TENM1: variants seen among roughly 807,000 people sequenced by gnomAD.
TENM1 encodes teneurin-1.
TENM1 carries 35 observed loss-of-function variants against 174.8 expected under a neutral mutation model. The observed-to-expected ratio is 0.20, with a 90% CI of 0.15 to 0.27. The LOEUF (loss-of-function observed/expected upper bound fraction) is 0.27. Among genes scored for constraint, TENM1 ranks in the 10% least tolerant of loss-of-function variants. The pLI, the probability that TENM1 is intolerant of heterozygous loss-of-function variation, is 1.00. For synonymous variants in TENM1, 781 were observed against 798.7 expected, an observed-to-expected ratio of 0.98 and a Z score of 0.37; for missense variants, 1,633 against 2,130.1, an observed-to-expected ratio of 0.77 and a Z score of 4.59.
chrX:124,554,905 G>A (rs906562106), intron 14 of TENM1, among the ~76,000 whole-genome samples: 52 of 111,963 alleles, frequency 4.6e-4, no homozygotes, highest in African/African-American at 1.6e-3. Flanking sequence ...CAATGAATAT[G>A]AATATAGACC....
At chrX:124,987,701 T>TGTG in the TENM1 span, among the ~76,000 whole-genome samples, 2 of 91,384 alleles carry the variant, frequency 2.2e-5, no homozygotes, top group African/African-American at 8.2e-5. Flanking sequence ...GTTCTGCATT[T>TGTG]TGTGTGTGTG....
At chrX:124,782,788 C>T (rs1357739859) in intron 3 of TENM1, among the ~76,000 whole-genome samples, 1 of 111,215 alleles carries the variant, frequency 9.0e-6, no homozygotes, top group Non-Finnish European at 1.9e-5. Context: ...ATCCTTATAA[C>T]CTCCGAGACT....
At chrX:124,398,147 G>A (rs1383453816) in intron 27 of TENM1, among the ~76,000 whole-genome samples, 5 of 108,364 alleles carry the variant, frequency 4.6e-5, no homozygotes, top group African/African-American at 6.7e-5. Context: ...AGAACTGCTC[G>A]AACAGAGGAG....
At chrX:124,448,030 G>C (rs2060984356) in intron 23 of TENM1, among the ~76,000 whole-genome samples, 1 of 111,386 alleles carries the variant, frequency 9.0e-6, no homozygotes, top group Non-Finnish European at 1.9e-5. Flanking sequence ...CAACCATCAA[G>C]CAAACCTGCT....
At chrX:124,745,854 T>G (rs1267008396) in intron 3 of TENM1, among the ~76,000 whole-genome samples, 4 of 83,133 alleles carry the variant, frequency 4.8e-5, no homozygotes, top group Non-Finnish European at 2.1e-5. Context: ...GCCAAAACAT[T>G]TTTTTTTCAG....
chrX:125,157,045 T>A, the TENM1 span, among the ~76,000 whole-genome samples: 12 of 112,439 alleles, frequency 1.1e-4, no homozygotes, highest in Non-Finnish European at 2.3e-4. Context: ...GGTTCAGTGA[T>A]TCTCAACTTT....
intron 3 of TENM1, among the ~76,000 whole-genome samples, chrX:124,767,367 G>A (rs2054558589): frequency 9.0e-6 from 1 of 111,579 alleles, no homozygotes; most frequent in Non-Finnish European, 1.9e-5. Context: ...TTGCTTGAAG[G>A]TGAGGTCTAT....
exon 32 of TENM1, chrX:124,380,449 G>A: frequency 1.1e-6 from 1 of 924,333 alleles, no homozygotes. Context: ...CATATACAGA[G>A]TTCTGATCTA....
intron 22 of TENM1, among the ~76,000 whole-genome samples, chrX:124,462,059 A>G (rs2061180344): frequency 9.0e-6 from 1 of 111,324 alleles, no homozygotes; most frequent in African/African-American, 3.3e-5. Context: ...AGACAATGCT[A>G]TGTGTTCATG....
At chrX:124,617,482 C>T (rs2050422952) in intron 11 of TENM1, among the ~76,000 whole-genome samples, 1 of 111,735 alleles carries the variant, frequency 8.9e-6, no homozygotes, top group Admixed American at 9.5e-5. Flanking sequence ...TCTGACCCTC[C>T]TGCCAGTAAT....
At chrX:125,015,867 T>C in the TENM1 span, among the ~76,000 whole-genome samples, 8,095 of 111,430 alleles carry the variant, frequency 0.073, 328 homozygotes, top group Middle Eastern at 0.15. Flanking sequence ...GTTTCAAAAA[T>C]AGTAAAATTA....
At chrX:125,136,562 C>T in the TENM1 span, among the ~76,000 whole-genome samples, 2 of 111,424 alleles carry the variant, frequency 1.8e-5, no homozygotes, top group Non-Finnish European at 1.9e-5. Context: ...CTGATTACTA[C>T]TATGTTAAAA....
intron 11 of TENM1, among the ~76,000 whole-genome samples, chrX:124,602,332 C>G (rs780641474): frequency 3.9e-4 from 43 of 110,501 alleles, no homozygotes; most frequent in Non-Finnish European, 7.2e-4. Context: ...TTTCTGCTGT[C>G]AAAAAATGAA....
intron 6 of TENM1, among the ~76,000 whole-genome samples, chrX:124,655,350 A>T (rs946505890): frequency 8.9e-6 from 1 of 112,013 alleles, no homozygotes; most frequent in Admixed American, 9.4e-5. Context: ...TTTTCATGGA[A>T]TTTTTTGTTT....
At chrX:124,481,917 T>G (rs151303571) in exon 22 of TENM1, 4 of 1,202,065 alleles carry the variant, frequency 3.3e-6, no homozygotes, top group Non-Finnish European at 4.5e-6. Flanking sequence ...ATAGAGTGAT[T>G]CAGACACAGG....
At chrX:124,929,936 A>C (rs1364908158) in intron 1 of TENM1, among the ~76,000 whole-genome samples, 1 of 111,938 alleles carries the variant, frequency 8.9e-6, no homozygotes, top group Non-Finnish European at 1.9e-5. Context: ...TTCAGAAGGT[A>C]AAGGATTTAA....
the TENM1 span, among the ~76,000 whole-genome samples, chrX:124,998,111 A>G: frequency 9.5e-6 from 1 of 105,710 alleles, no homozygotes; most frequent in Non-Finnish European, 2.0e-5. Context: ...AAAAAAAAGG[A>G]TTTCCCACAA....
At chrX:124,878,878 A>G (rs2057254957) in intron 3 of TENM1, among the ~76,000 whole-genome samples, 1 of 111,624 alleles carries the variant, frequency 9.0e-6, no homozygotes, top group African/African-American at 3.3e-5. Context: ...AGAAACAACT[A>G]AACAATCTAA....
At chrX:124,400,312 A>C (rs1158253995) in intron 27 of TENM1, among the ~76,000 whole-genome samples, 2 of 111,347 alleles carry the variant, frequency 1.8e-5, no homozygotes, top group African/African-American at 6.5e-5. Context: ...GAATAGAGGG[A>C]AAGGCCAGAG....
Sources: allele counts gnomAD v4.1 joint callset (sites outside exome capture counted in the v4.1 genomes callset), GRCh38; gene constraint gnomAD v4.1.1; transcripts MANE v1.5; gene names NCBI Gene and HGNC (gene_info 2026-07-23, HGNC 2026-07-21).